Variants in MYO3B observed in about 807,000 individuals in gnomAD.
The protein encoded by MYO3B is myosin IIIB, also known as myosin-IIIb.
MYO3B carries 156 observed loss-of-function variants against 174.6 expected under a neutral mutation model. The observed-to-expected ratio is 0.89, with a 90% CI of 0.78 to 1.02. The LOEUF is 1.02. Among genes scored for constraint, MYO3B ranks in the 50% least tolerant of loss-of-function variants. MYO3B has a pLI of 0.00. For missense variants in MYO3B, 1,632 were observed against 1,639.4 expected, an observed-to-expected ratio of 1.00 and a Z score of 0.08; for synonymous variants, 563 against 569.1, an observed-to-expected ratio of 0.99 and a Z score of 0.15.
chr2:170,331,617 C>A (rs2093912239), intron 7 of MYO3B, among the ~76,000 whole-genome samples: 1 of 152,122 alleles, frequency 6.6e-6, no homozygotes, highest in Non-Finnish European at 1.5e-5. Flanking sequence ...AAGTTAGAGT[C>A]TGCCATGGGT....
At chr2:170,648,683 T>A (rs1488925206) in intron 32 of MYO3B, among the ~76,000 whole-genome samples, 2 of 117,416 alleles carry the variant, frequency 1.7e-5, no homozygotes, top group Non-Finnish European at 3.4e-5. Flanking sequence ...ATAATATATA[T>A]TATATTCTAT....
chr2:170,589,622 G>GTA (rs1336769303), intron 32 of MYO3B, among the ~76,000 whole-genome samples: 1 of 152,084 alleles, frequency 6.6e-6, no homozygotes, highest in African/African-American at 2.4e-5. Flanking sequence ...AAATGTTTTT[G>GTA]TACAGCTGCA....
intron 3 of MYO3B, among the ~76,000 whole-genome samples, chr2:170,204,887 A>C (rs954552077): frequency 2.7e-4 from 36 of 135,440 alleles, no homozygotes; most frequent in African/African-American, 8.4e-4. Flanking sequence ...TAAAATGTTC[A>C]ACCCATTTCA....
In MYO3B at chr2:170,357,305, C is replaced by CA. The variant is rs1480540463; in HGVS notation, c.816-11909dup. On this transcript the variant is annotated intron_variant, in intron 8 of 34. Transcript: ENST00000408978. ...TGGGCAACAGAGAGAGACTCCATCTCAAAAAAAATAAAAATAAAAATAAAT... is the reference window on the plus strand; with the variant it reads ...TGGGCAACAGAGAGAGACTCCATCTCAAAAAAAAATAAAAATAAAAATAAAT... Among the ~76,000 whole-genome samples, 3 of 141,370 alleles carry CA rather than the reference C, an allele frequency of 2.1e-5. No homozygotes were observed. In the East Asian group the frequency reaches 6.1e-4, roughly 29 times the overall value. 92.7% of individuals were successfully genotyped at this position (141,370 alleles called of 152,430 possible). A position where few individuals can be genotyped will look rare whatever the true frequency, so the allele number is the denominator to read the frequency against.
chr2:170,652,598 A>C (rs1002607162), intron 34 of MYO3B, among the ~76,000 whole-genome samples: 1 of 152,250 alleles, frequency 6.6e-6, no homozygotes, highest in Non-Finnish European at 1.5e-5. Flanking sequence ...TTTGATAGTT[A>C]GCATCTCAAT....
intron 30 of MYO3B, among the ~76,000 whole-genome samples, chr2:170,539,325 C>G (rs1436370809): frequency 2.0e-5 from 3 of 152,118 alleles, no homozygotes; most frequent in Non-Finnish European, 2.9e-5. Context: ...AGACTTAATC[C>G]GATTTAAGTT....
At chr2:170,594,168 G>A (rs759996721) in intron 32 of MYO3B, among the ~76,000 whole-genome samples, 4 of 152,114 alleles carry the variant, frequency 2.6e-5, no homozygotes, top group Non-Finnish European at 4.4e-5. Context: ...TTGGTCCAGA[G>A]TAGGACAAAT....
At position 170,521,807 on chromosome 2, in the gene MYO3B, G is replaced by C. The variant is rs1360669061; in HGVS notation, c.3575+2267G>C. ...CCTCCAACTGCTGTCCAGGTCCACT[G>C]CCTCATTTCCTCACTAAACCAACCC... On this transcript the variant is annotated intron_variant, in intron 30 of 34. Transcript: ENST00000408978. Among the ~76,000 whole-genome samples the C allele has an allele frequency of 2.6e-5, 4 of 152,154 alleles. No individual in the cohort carries two copies. In the East Asian group the frequency reaches 7.7e-4, roughly 29 times the overall value.
intron 1 of MYO3B, among the ~76,000 whole-genome samples, chr2:170,189,804 T>A (rs2105316863): frequency 6.6e-6 from 1 of 152,314 alleles, no homozygotes; most frequent in South Asian, 2.1e-4. Context: ...AAAGGTCAGA[T>A]ATTTCTGTCT....
In MYO3B at chr2:170,388,107, T is replaced by A. The variant is rs376474158; in HGVS notation, c.1577+799T>A. Among the ~76,000 whole-genome samples, 5 of 151,904 alleles carry A rather than the reference T, an allele frequency of 3.3e-5. No individual in the cohort carries two copies. In the East Asian group the frequency reaches 9.7e-4, roughly 29 times the overall value. On this transcript the variant is annotated intron_variant, in intron 14 of 34. Transcript: ENST00000408978. ...TTATTATTATTGTAGGACACCAGAG[T>A]TTCTCAGGAGCATGGCTCCGCACTT...
At position 170,369,385 on chromosome 2, in the gene MYO3B, A is replaced by G. The variant is rs11695003; in HGVS notation, c.971+8A>G. On this transcript the variant is annotated splice_region_variant and intron_variant, in intron 9 of 34. Coordinates refer to ENST00000408978, the MANE Select transcript of MYO3B (RefSeq NM_138995.5). ...TCCTGTTGCTAAAACCAGGTACTGTACTCTCTTTCTTCTTTCTCCCTGTGG... is the reference window on the plus strand; with the variant it reads ...TCCTGTTGCTAAAACCAGGTACTGTGCTCTCTTTCTTCTTTCTCCCTGTGG... 4.4e-6 allele frequency: 7 copies of G among 1,607,732 alleles called. No homozygotes were observed. The highest frequency in any genetic ancestry group is 5.9e-6 in the Non-Finnish European group (7 of 1,176,496).
At chr2:170,537,448 A>ACTTTTT (rs1689788200) in intron 30 of MYO3B, among the ~76,000 whole-genome samples, 1 of 54,804 alleles carries the variant, frequency 1.8e-5, no homozygotes, top group African/African-American at 8.2e-5. Flanking sequence ...GAGCTCTTTG[A>ACTTTTT]TTTTTTTTTT....
Position 170,387,106 on chromosome 2 carries a change from G to A in MYO3B, c.1375G>A (p.Ala459Thr), listed in dbSNP as rs749272470. Residue 459 changes from alanine (A) to threonine (T), a missense_variant and splice_region_variant, in exon 14 of 35, where the codon GCC becomes ACC. Ala to Thr is a moderately conservative substitution (Grantham distance 58). Transcript: ENST00000408978. The part of the protein sequence containing the change: ...IVQHLTFLGK[A>T]NNQTLREKIL... ...CTTGACCGTTCTCTGTTTGGCACAGGCCAATAATCAGACCTTGAGAGAGAA... is the reference window on the plus strand; with the variant it reads ...CTTGACCGTTCTCTGTTTGGCACAGACCAATAATCAGACCTTGAGAGAGAA... 17 of 1,613,724 alleles carry A rather than the reference G, an allele frequency of 1.1e-5. No individual in the cohort carries two copies. Among genetic ancestry groups the A allele is most frequent in the Non-Finnish European group, 1.4e-5 (17 of 1,179,786 alleles).
At chr2:170,210,545 C>G (rs1178340036) in intron 3 of MYO3B, among the ~76,000 whole-genome samples, 1 of 152,178 alleles carries the variant, frequency 6.6e-6, no homozygotes, top group Non-Finnish European at 1.5e-5. Flanking sequence ...AGGTTTGACT[C>G]CTTCCAACAT....
intron 25 of MYO3B, among the ~76,000 whole-genome samples, chr2:170,485,999 A>G (rs184731916): frequency 6.8e-6 from 1 of 147,010 alleles, no homozygotes; most frequent in East Asian, 2.0e-4. Context: ...TCAGTGAGAA[A>G]GAAAGAGGGA....
intron 22 of MYO3B, among the ~76,000 whole-genome samples, chr2:170,408,200 C>T (rs1284240462): frequency 6.6e-6 from 1 of 152,110 alleles, no homozygotes; most frequent in Non-Finnish European, 1.5e-5. Flanking sequence ...CAAAACTTAT[C>T]AGGAAGATTA....
At chr2:170,514,148 C>T (rs2011087) in intron 28 of MYO3B, among the ~76,000 whole-genome samples, 38,029 of 152,002 alleles carry the variant, frequency 0.25, 5,121 homozygotes, top group East Asian at 0.5. Context: ...TGTCTAAAGT[C>T]AGGAGATCCA....
chr2:170,409,602 GTTTTC>G (rs1216803185), intron 22 of MYO3B, among the ~76,000 whole-genome samples: 1 of 152,140 alleles, frequency 6.6e-6, no homozygotes, highest in African/African-American at 2.4e-5. Context: ...GCATGATTGT[GTTTTC>G]TTTTTCTGGA....
At chr2:170,297,016 G>T (rs1280992189) in intron 7 of MYO3B, among the ~76,000 whole-genome samples, 1 of 152,070 alleles carries the variant, frequency 6.6e-6, no homozygotes, top group Non-Finnish European at 1.5e-5. Context: ...CCAACATTGG[G>T]GATTACATTT....
Sources: allele counts gnomAD v4.1 joint callset (sites outside exome capture counted in the v4.1 genomes callset), GRCh38; gene constraint gnomAD v4.1.1; transcripts MANE v1.5; gene names NCBI Gene and HGNC (gene_info 2026-07-23, HGNC 2026-07-21).